Variants in NWD2 observed in about 807,000 individuals in gnomAD.
NWD2 encodes the protein NACHT and WD repeat domain-containing protein 2.
Under a neutral mutation model 132.7 loss-of-function variants are expected in NWD2, and 37 were observed. The ratio of observed to expected loss-of-function variants is 0.28; its 90% CI spans 0.21 to 0.37. The LOEUF (loss-of-function observed/expected upper bound fraction) is 0.37, where lower values mean the gene tolerates loss of function less well. Ranked by LOEUF, NWD2 falls within the 10% of genes least tolerant of loss-of-function variation. The pLI, the probability that NWD2 is intolerant of heterozygous loss-of-function variation, is 1.00. For synonymous variants in NWD2, 705 were observed against 803.0 expected (o/e 0.88, Z 2.06); for missense variants, 1,592 against 2,122.4 (o/e 0.75, Z 4.91).
chr4:37,397,702 T>C (rs545138352), intron 3 of NWD2, among the ~76,000 whole-genome samples: 62 of 152,276 alleles, frequency 4.1e-4, no homozygotes, highest in Non-Finnish European at 7.1e-4. Flanking sequence ...TAGACATTGT[T>C]GAAGGAAATT....
At chr4:37,305,964 C>T (rs1718701900) in intron 1 of NWD2, among the ~76,000 whole-genome samples, 2 of 151,992 alleles carry the variant, frequency 1.3e-5, no homozygotes, top group Admixed American at 6.6e-5. Flanking sequence ...TCAGTGAAGC[C>T]ATTTGGTTCC....
intron 1 of NWD2, among the ~76,000 whole-genome samples, chr4:37,254,426 G>T (rs1306804078): frequency 6.6e-6 from 1 of 152,116 alleles, no homozygotes; most frequent in African/African-American, 2.4e-5. Context: ...TAAACATAAA[G>T]CAACTATAAT....
At chr4:37,323,789 A>G (rs1474082848) in intron 1 of NWD2, among the ~76,000 whole-genome samples, 1 of 151,958 alleles carries the variant, frequency 6.6e-6, no homozygotes, top group Non-Finnish European at 1.5e-5. Context: ...GAATCAACCT[A>G]GGTGCCCATC....
chr4:37,344,783 T>C (rs1719599456), intron 2 of NWD2, among the ~76,000 whole-genome samples: 1 of 152,178 alleles, frequency 6.6e-6, no homozygotes, highest in African/African-American at 2.4e-5. Flanking sequence ...ACATTCACAA[T>C]TGTGTAATAG....
At chr4:37,250,660 T>G (rs927063698) in intron 1 of NWD2, among the ~76,000 whole-genome samples, 1 of 152,238 alleles carries the variant, frequency 6.6e-6, no homozygotes, top group Non-Finnish European at 1.5e-5. Context: ...CAGGCATGTT[T>G]AAGCAAATAT....
chr4:37,319,989 T>A (rs1460007624), intron 1 of NWD2, among the ~76,000 whole-genome samples: 7 of 152,322 alleles, frequency 4.6e-5, no homozygotes, highest in Admixed American at 1.3e-4. Flanking sequence ...AATTTTAGAA[T>A]AGTTTTTTAT....
In NWD2 at chr4:37,290,480, G is replaced by T. The variant is rs974831983; in HGVS notation, c.152-35456G>T. ...ATATCACAGAAGTGCAGAGTGTTATGGGAGTGTATTTGAGCAGATATAACT... is the reference window on the plus strand; with the variant it reads ...ATATCACAGAAGTGCAGAGTGTTATTGGAGTGTATTTGAGCAGATATAACT... On this transcript the variant is annotated intron_variant, in intron 1 of 6. Transcript: ENST00000309447. Among the ~76,000 whole-genome samples the T allele has an allele frequency of 2.0e-5, 3 of 152,110 alleles. No homozygotes were observed. The East Asian group carries it at 5.8e-4, about 29-fold the overall frequency.
chr4:37,441,750 C>A (rs1712491156), intron 6 of NWD2, among the ~76,000 whole-genome samples: 1 of 152,172 alleles, frequency 6.6e-6, no homozygotes, highest in Non-Finnish European at 1.5e-5. Context: ...CTTCACTTAC[C>A]TTTCTCCTGG....
At chr4:37,432,795 A>C (rs943622539) in intron 4 of NWD2, among the ~76,000 whole-genome samples, 1 of 152,158 alleles carries the variant, frequency 6.6e-6, no homozygotes, top group African/African-American at 2.4e-5. Context: ...GTTATTATCT[A>C]CTTTCCAACT....
At chr4:37,442,974 T>C (rs553411897) in intron 6 of NWD2, among the ~76,000 whole-genome samples, 1 of 152,104 alleles carries the variant, frequency 6.6e-6, no homozygotes, top group Admixed American at 6.5e-5. Context: ...GATATTTGTA[T>C]TTATAATTCA....
chr4:37,357,315 A>G (rs1719890674), intron 3 of NWD2, among the ~76,000 whole-genome samples: 1 of 152,186 alleles, frequency 6.6e-6, no homozygotes, highest in Admixed American at 6.5e-5. Flanking sequence ...ACTAGATTCA[A>G]TATATCAGCA....
chr4:37,353,990 C>T (rs1719822432), intron 2 of NWD2, among the ~76,000 whole-genome samples: 1 of 152,058 alleles, frequency 6.6e-6, no homozygotes, highest in Non-Finnish European at 1.5e-5. Flanking sequence ...CTTTATCTAC[C>T]TTTGTTCTTT....
intron 1 of NWD2, among the ~76,000 whole-genome samples, chr4:37,263,914 C>T (rs1217958051): frequency 6.6e-6 from 1 of 152,066 alleles, no homozygotes; most frequent in Non-Finnish European, 1.5e-5. Context: ...TTATTCAATG[C>T]CTGTGAATAG....
Position 37,244,746 on chromosome 4 carries a change from C to A in NWD2, c.-322C>A, listed in dbSNP as rs1257162921. On this transcript the variant is annotated 5_prime_UTR_variant, in exon 1 of 7. Coordinates refer to ENST00000309447, the MANE Select transcript of NWD2 (RefSeq NM_001144990.2). The surrounding 1 kb of genome is among the most constrained non-coding windows in gnomAD (Gnocchi z 5.5). ...GGCCGCCGGCGCTTCCCGGCGCAAA[C>A]GGGCGCTGCGCGCGTAGCCGCCGCC... The A allele has an allele frequency of 1.4e-5, 4 of 280,872 alleles. No homozygotes were observed. The Admixed American group carries it at 1.7e-4, about 12-fold the overall frequency. The allele number at this position is 280,872 out of a possible 1,614,324, so 17.4% of individuals were successfully genotyped here.
rs574718097 is a variant in NWD2, at chr4:37,412,482, G to C, written c.358-18090G>C. Among the ~76,000 whole-genome samples the C allele has an allele frequency of 2.6e-3, 395 of 152,142 alleles. 4 individuals are homozygous for C. Among genetic ancestry groups the C allele is most frequent in the African/African-American group, 9.1e-3 (377 of 41,492 alleles). On this transcript the variant is annotated intron_variant, in intron 3 of 6. Transcript: ENST00000309447. ...AACCACTGCTCAAGGAAATAAGAGA[G>C]GACACAAACAAATGGAAAAACATTC...
chr4:37,275,106 AGG>A (rs1422581511), intron 1 of NWD2, among the ~76,000 whole-genome samples: 4 of 152,200 alleles, frequency 2.6e-5, no homozygotes, highest in Non-Finnish European at 4.4e-5. Context: ...AAGGAAATAA[AGG>A]GTATTCAATT....
chr4:37,439,300 T>C lies in NWD2; in HGVS notation c.1206T>C (p.Leu402=). 6.4e-7 allele frequency: 1 copy of C among 1,550,852 alleles called. No individual in the cohort carries two copies. ...TAAACATAGTGCATAACTACATTCT[T>C]CCAAGCAAAGCTGGACACATCAACC... is the stretch of plus-strand genomic sequence containing the variant. The part of the protein sequence containing the change: ...ESLNIVHNYI[L]PSKAGHINPL... Residue 402 remains leucine (L), a synonymous_variant, in exon 6 of 7, where the codon CTT becomes CTC. Coordinates refer to ENST00000309447, the MANE Select transcript of NWD2 (RefSeq NM_001144990.2). The surrounding 1 kb of genome is among the most constrained non-coding windows in gnomAD (Gnocchi z 4.5).
chr4:37,304,584 C>T (rs867802432), intron 1 of NWD2, among the ~76,000 whole-genome samples: 1 of 152,182 alleles, frequency 6.6e-6, no homozygotes, highest in Non-Finnish European at 1.5e-5. Flanking sequence ...TAAATGCTCC[C>T]ATTCCAAAAG....
At chr4:37,325,901 T>A in intron 1 of NWD2, 35 bp from the exon 2 acceptor site, 1 of 1,276,136 alleles carries the variant, frequency 7.8e-7, no homozygotes, top group Non-Finnish European at 1.1e-6. Flanking sequence ...TGTGTGGACA[T>A]ACTCACTTCC....
Sources: allele counts gnomAD v4.1 joint callset (sites outside exome capture counted in the v4.1 genomes callset), GRCh38; gene constraint gnomAD v4.1.1; non-coding constraint Gnocchi (gnomAD v3.1); transcripts MANE v1.5; gene names NCBI Gene and HGNC (gene_info 2026-07-23, HGNC 2026-07-21).